NWD2: variants seen among roughly 807,000 people sequenced by gnomAD.
NWD2 encodes the protein NACHT and WD repeat domain-containing protein 2.
Under a neutral mutation model 132.7 loss-of-function variants are expected in NWD2, and 37 were observed. That is an observed-to-expected ratio of 0.28 (90% confidence interval 0.21 to 0.37). The LOEUF is 0.37. NWD2 is among the 10% of genes least tolerant of loss of function. The pLI is 1.00. For missense variants in NWD2, 1,592 were observed against 2,122.4 expected (o/e 0.75, Z 4.91); for synonymous variants, 705 against 803.0 (o/e 0.88, Z 2.06).
intron 2 of NWD2, among the ~76,000 whole-genome samples, chr4:37,349,502 A>T (rs1010269379): frequency 2.0e-5 from 3 of 152,104 alleles, no homozygotes; most frequent in Admixed American, 6.6e-5. Context: ...GTGTCTGTTC[A>T]TATCCTTTGC....
At position 37,445,970 on chromosome 4, in the gene NWD2, G is replaced by A; in HGVS notation, c.3982G>A (p.Gly1328Arg). The A allele has an allele frequency of 1.3e-6, 2 of 1,551,570 alleles. No individual in the cohort carries two copies. Among genetic ancestry groups the A allele is most frequent in the Non-Finnish European group, 8.7e-7 (1 of 1,146,940 alleles). The change falls in exon 7 of 7, where the codon GGG (glycine) becomes AGG (arginine). Residue 1328 changes from glycine (G) to arginine (R), a missense_variant. Transcript: ENST00000309447. The surrounding 1 kb of genome is among the most constrained non-coding windows in gnomAD (Gnocchi z 4.7). ...CCAAAGTCTGTTGTTGCCTGCTAGA[G>A]GGGAAATCATTTACTCCCTGGATGG... ...PIQSLLLPARGEIIYSLDGSD... is the reference protein window; with the variant it reads ...PIQSLLLPARREIIYSLDGSD...
At chr4:37,422,434 AT>A (rs1416363159) in intron 3 of NWD2, among the ~76,000 whole-genome samples, 2 of 151,884 alleles carry the variant, frequency 1.3e-5, no homozygotes, top group African/African-American at 2.4e-5. Context: ...CTGACCACAC[AT>A]TTTTTTACCT....
At position 37,445,726 on chromosome 4, in the gene NWD2, C is replaced by T; in HGVS notation, c.3738C>T (p.Ile1246=). Residue 1246 remains isoleucine, a synonymous_variant, in exon 7 of 7, where the codon ATC becomes ATT. Transcript: ENST00000309447. The surrounding 1 kb of genome is among the most constrained non-coding windows in gnomAD (Gnocchi z 4.7). ...SAVLSKNGDC[I]IATMENTSAV... is the part of the protein sequence containing the mutation. ...TGCTGTCTAAAAATGGAGATTGTAT[C>T]ATCGCCACCATGGAAAATACCTCAG... is the stretch of plus-strand genomic sequence containing the variant. The T allele has an allele frequency of 6.4e-7, 1 of 1,551,856 alleles. No homozygotes were observed. The highest frequency in any genetic ancestry group is 1.7e-4 in the Middle Eastern group (1 of 5,994).
At chr4:37,435,499 C>T (rs1407926359) in intron 5 of NWD2, among the ~76,000 whole-genome samples, 1 of 152,156 alleles carries the variant, frequency 6.6e-6, no homozygotes, top group East Asian at 1.9e-4. Flanking sequence ...TCCTTTGGAA[C>T]CTTTAGATCC....
In NWD2 at chr4:37,245,125, C is replaced by T; in HGVS notation, c.58C>T (p.Arg20Trp). The T allele has an allele frequency of 1.9e-6, 3 of 1,547,920 alleles. No homozygotes were observed. Among genetic ancestry groups the T allele is most frequent in the Non-Finnish European group, 2.6e-6 (3 of 1,146,662 alleles). The change falls in exon 1 of 7, where the codon CGG (arginine) becomes TGG (tryptophan). Residue 20 changes from arginine to tryptophan, a missense_variant. Arg to Trp is a moderately radical substitution (Grantham distance 101). Transcript: ENST00000309447. ...CTGTCCCCGAGACTCTGCGCTCCGG[C>T]GGGCGGCTTTCTCTGGGAACCTCAC... ...LPCPRDSALR[R>W]AAFSGNLTAL...
intron 3 of NWD2, among the ~76,000 whole-genome samples, chr4:37,388,494 G>GT (rs1370159268): frequency 3.3e-5 from 5 of 151,924 alleles, no homozygotes; most frequent in Non-Finnish European, 7.4e-5. Flanking sequence ...GACAGCTGTA[G>GT]TTTTTAAGTT....
chr4:37,407,860 C>G (rs754412093), intron 3 of NWD2, among the ~76,000 whole-genome samples: 1 of 152,160 alleles, frequency 6.6e-6, no homozygotes, highest in Non-Finnish European at 1.5e-5. Context: ...ACTGGTTGGA[C>G]AGTGGGTGCA....
At chr4:37,322,815 G>A (rs1719095608) in intron 1 of NWD2, among the ~76,000 whole-genome samples, 1 of 152,152 alleles carries the variant, frequency 6.6e-6, no homozygotes, top group Non-Finnish European at 1.5e-5. Flanking sequence ...ACTTATTGAT[G>A]TGTTGGCTCT....
chr4:37,407,956 G>A (rs1343475915), intron 3 of NWD2, among the ~76,000 whole-genome samples: 2 of 152,160 alleles, frequency 1.3e-5, no homozygotes, highest in Non-Finnish European at 2.9e-5. Context: ...CCCTACCCAA[G>A]GGAAGCCATG....
intron 1 of NWD2, among the ~76,000 whole-genome samples, chr4:37,294,462 G>A (rs1718437355): frequency 6.6e-6 from 1 of 152,128 alleles, no homozygotes; most frequent in African/African-American, 2.4e-5. Flanking sequence ...CATAGGAGCA[G>A]CTAAGAAGGA....
intron 2 of NWD2, among the ~76,000 whole-genome samples, chr4:37,355,875 A>T (rs921700557): frequency 4.6e-5 from 7 of 152,094 alleles, no homozygotes; most frequent in Non-Finnish European, 8.8e-5. Context: ...ATCTCTCCTC[A>T]TATGATAGAG....
At chr4:37,436,755 G>C (rs1259589129) in intron 5 of NWD2, among the ~76,000 whole-genome samples, 1 of 152,270 alleles carries the variant, frequency 6.6e-6, no homozygotes, top group Middle Eastern at 3.4e-3. Flanking sequence ...GACTAGAAAA[G>C]AGATGGGTCC....
rs1452475229 is a variant in NWD2, at chr4:37,283,985, T to C, written c.151+38767T>C. Among the ~76,000 whole-genome samples the C allele has an allele frequency of 2.0e-5, 3 of 152,230 alleles. No individual in the cohort carries two copies. The East Asian group carries it at 5.8e-4, about 29-fold the overall frequency. ...AAAACATTTTATGTAAATTCCTTTT[T>C]AAAAATATTTGACAATATCCTCTGG... is the stretch of plus-strand genomic sequence containing the variant. On this transcript the variant is annotated intron_variant, in intron 1 of 6. Coordinates refer to ENST00000309447, the MANE Select transcript of NWD2 (RefSeq NM_001144990.2).
intron 3 of NWD2, among the ~76,000 whole-genome samples, chr4:37,377,662 C>T (rs901496937): frequency 6.6e-6 from 1 of 152,070 alleles, no homozygotes; most frequent in Non-Finnish European, 1.5e-5. Context: ...ACCCAGGAGG[C>T]GGAGGTTGCG....
intron 2 of NWD2, among the ~76,000 whole-genome samples, chr4:37,334,835 T>C (rs1203405883): frequency 6.6e-6 from 1 of 152,154 alleles, no homozygotes; most frequent in African/African-American, 2.4e-5. Flanking sequence ...ACAAAGTTCA[T>C]AAACCTCCTT....
intron 3 of NWD2, among the ~76,000 whole-genome samples, chr4:37,363,213 T>C (rs1181685412): frequency 1.3e-5 from 2 of 152,108 alleles, no homozygotes; most frequent in African/African-American, 4.8e-5. Context: ...GGTGGAAATG[T>C]AAATTAGTTC....
chr4:37,413,125 T>C (rs1354703017), intron 3 of NWD2, among the ~76,000 whole-genome samples: 4 of 152,158 alleles, frequency 2.6e-5, no homozygotes, highest in South Asian at 2.1e-4. Context: ...ACAAATGGGA[T>C]CTAATGAAAC....
intron 2 of NWD2, among the ~76,000 whole-genome samples, chr4:37,333,689 AC>A (rs1314892235): frequency 6.6e-6 from 1 of 152,058 alleles, no homozygotes; most frequent in African/African-American, 2.4e-5. Context: ...AAATATCAAG[AC>A]CATCCAGGAA....
Position 37,443,937 on chromosome 4 carries a change from A to G in NWD2, c.1949A>G (p.Glu650Gly). ...ATAGAGCAGTTATTCTGGTCCTTGG[A>G]GAAGAAGTGTGGTCAGAAACTGGTC... The part of the protein sequence containing the change: ...ESIEQLFWSL[E>G]KKCGQKLVSR... Residue 650 changes from glutamate (E) to glycine (G), a missense_variant, in exon 7 of 7, where the codon GAG (glutamate) becomes GGG (glycine). By Grantham distance (98) the Glu-to-Gly change is moderately conservative. Coordinates refer to ENST00000309447, the MANE Select transcript of NWD2 (RefSeq NM_001144990.2). The surrounding 1 kb of genome is among the most constrained non-coding windows in gnomAD (Gnocchi z 4.1). 3 of 1,552,314 alleles carry G rather than the reference A, an allele frequency of 1.9e-6. No individual in the cohort carries two copies. The highest frequency in any genetic ancestry group is 2.6e-6 in the Non-Finnish European group (3 of 1,147,134).
Sources: allele counts gnomAD v4.1 joint callset (sites outside exome capture counted in the v4.1 genomes callset), GRCh38; gene constraint gnomAD v4.1.1; non-coding constraint Gnocchi (gnomAD v3.1); transcripts MANE v1.5; gene names NCBI Gene and HGNC (gene_info 2026-07-23, HGNC 2026-07-21).